PTPRD: variants seen among roughly 807,000 people sequenced by gnomAD.
PTPRD encodes receptor-type tyrosine-protein phosphatase delta.
A neutral mutation model predicts 214.5 loss-of-function variants in PTPRD; 34 were observed. The observed-to-expected ratio is 0.16, with a 90% CI of 0.12 to 0.21. The LOEUF is 0.21. Among genes scored for constraint, PTPRD ranks in the 10% least tolerant of loss-of-function variants. The pLI is 1.00. For missense variants in PTPRD, 2,545 were observed against 2,398.7 expected (o/e 1.06, Z -1.27); for synonymous variants, 1,128 against 845.7 (o/e 1.33, Z -5.79).
intron 11 of PTPRD, among the ~76,000 whole-genome samples, chr9:8,872,013 A>G (rs927035372): frequency 6.6e-5 from 10 of 152,142 alleles, no homozygotes; most frequent in Non-Finnish European, 1.5e-4. Flanking sequence ...ATCAATCAAC[A>G]TTGAGGGCCA....
At chr9:9,537,847 C>A (rs2076825873) in intron 8 of PTPRD, among the ~76,000 whole-genome samples, 1 of 151,748 alleles carries the variant, frequency 6.6e-6, no homozygotes, top group East Asian at 1.9e-4. Context: ...AATCTCAGGG[C>A]CAAATTCATT....
Position 10,486,756 on chromosome 9 carries a change from G to A in PTPRD, c.-600+125642C>T, listed in dbSNP as rs111317650. ...TATACTTGAGAATGATTCATGTGCT[G>A]AGGGGAGGAATGTGTATTCTGAAGC... On this transcript the variant is annotated intron_variant, in intron 2 of 45. Coordinates refer to ENST00000381196, the MANE Select transcript of PTPRD (RefSeq NM_002839.4). Among the ~76,000 whole-genome samples the A allele has an allele frequency of 4.8e-3, 728 of 152,288 alleles. 11 individuals are homozygous for A. Among genetic ancestry groups the A allele is most frequent in the African/African-American group, 0.017 (702 of 41,568 alleles).
intron 39 of PTPRD, among the ~76,000 whole-genome samples, chr9:8,346,281 G>A (rs764516347): frequency 1.3e-5 from 2 of 152,014 alleles, no homozygotes; most frequent in African/African-American, 2.4e-5. Context: ...CATTTTCAGG[G>A]ATTATTTGCT....
intron 4 of PTPRD, among the ~76,000 whole-genome samples, chr9:9,942,840 A>G (rs569398126): frequency 4.1e-4 from 62 of 150,420 alleles, no homozygotes; most frequent in Admixed American, 7.3e-4. Context: ...CATCCTATAC[A>G]TTTTCAAAAT....
chr9:9,920,095 G>A (rs1334652063), intron 5 of PTPRD, among the ~76,000 whole-genome samples: 2 of 152,018 alleles, frequency 1.3e-5, no homozygotes, highest in Non-Finnish European at 2.9e-5. Flanking sequence ...CATGTTTTAA[G>A]TTTTACATTT....
intron 3 of PTPRD, among the ~76,000 whole-genome samples, chr9:10,197,255 T>C (rs890966647): frequency 6.6e-6 from 1 of 152,128 alleles, no homozygotes; most frequent in Admixed American, 6.6e-5. Context: ...TTACTTTTAC[T>C]TTGGATAAGA....
chr9:9,360,119 A>G (rs1203533441), intron 9 of PTPRD, among the ~76,000 whole-genome samples: 6 of 151,234 alleles, frequency 4.0e-5, no homozygotes. Context: ...TGGTAAGTAC[A>G]ATGTGTTTAG....
intron 10 of PTPRD, among the ~76,000 whole-genome samples, chr9:9,047,863 A>G (rs1261791784): frequency 1.3e-5 from 2 of 152,160 alleles, no homozygotes; most frequent in Non-Finnish European, 2.9e-5. Context: ...AAGCAAACAA[A>G]GCAGAAATGG....
intron 9 of PTPRD, among the ~76,000 whole-genome samples, chr9:9,395,678 G>C (rs910103908): frequency 6.6e-6 from 1 of 151,946 alleles, no homozygotes; most frequent in Non-Finnish European, 1.5e-5. Flanking sequence ...TGCCAACTTT[G>C]GCATCTACCC....
intron 10 of PTPRD, among the ~76,000 whole-genome samples, chr9:9,077,378 A>AAAATGTTTCATAGATC (rs2308277): frequency 0.71 from 107,361 of 151,612 alleles, 38,382 homozygotes; most frequent in Non-Finnish European, 0.76. Flanking sequence ...CAGGTGACTG[A>AAAATGTTTCATAGATC]AAATGTTATT....
intron 3 of PTPRD, among the ~76,000 whole-genome samples, chr9:10,324,460 T>G (rs2096608305): frequency 6.6e-6 from 1 of 152,066 alleles, no homozygotes; most frequent in South Asian, 2.1e-4. Flanking sequence ...AGACAAGTTA[T>G]ATGGCCAACA....
At chr9:8,794,939 A>C (rs2096364974) in intron 11 of PTPRD, among the ~76,000 whole-genome samples, 1 of 151,986 alleles carries the variant, frequency 6.6e-6, no homozygotes, top group Non-Finnish European at 1.5e-5. Flanking sequence ...ACATAAGTCA[A>C]TTTTTTTGTA....
chr9:10,558,489 C>T (rs1473400642), intron 2 of PTPRD, among the ~76,000 whole-genome samples: 1 of 152,068 alleles, frequency 6.6e-6, no homozygotes, highest in African/African-American at 2.4e-5. Context: ...CCTTCTCTGA[C>T]CCCTCTCCAA....
chr9:9,225,985 T>C (rs1019820227), intron 9 of PTPRD, among the ~76,000 whole-genome samples: 1 of 152,076 alleles, frequency 6.6e-6, no homozygotes, highest in African/African-American at 2.4e-5. Context: ...AGCCTGTTAC[T>C]GAGGAAAATT....
chr9:10,570,600 T>A (rs751351672), intron 2 of PTPRD, among the ~76,000 whole-genome samples: 2 of 151,996 alleles, frequency 1.3e-5, no homozygotes, highest in Non-Finnish European at 2.9e-5. Flanking sequence ...TCACACACAG[T>A]GGGATGGGAA....
intron 8 of PTPRD, among the ~76,000 whole-genome samples, chr9:9,542,335 C>T (rs1022533202): frequency 3.3e-5 from 5 of 151,554 alleles, no homozygotes; most frequent in African/African-American, 1.2e-4. Flanking sequence ...GATCATGGAC[C>T]TGTACGAAAA....
intron 2 of PTPRD, among the ~76,000 whole-genome samples, chr9:10,466,079 G>A (rs546205014): frequency 1.1e-4 from 17 of 152,302 alleles, no homozygotes; most frequent in African/African-American, 4.1e-4. Flanking sequence ...GGATACTACT[G>A]TGATGCCTCT....
chr9:8,842,824 G>A (rs1428450690), intron 11 of PTPRD, among the ~76,000 whole-genome samples: 2 of 152,116 alleles, frequency 1.3e-5, no homozygotes, highest in African/African-American at 2.4e-5. Flanking sequence ...GATGCCAAGG[G>A]GAGACTTTGA....
chr9:10,432,205 A>G (rs2154520962), intron 2 of PTPRD, among the ~76,000 whole-genome samples: 1 of 147,614 alleles, frequency 6.8e-6, no homozygotes, highest in East Asian at 2.1e-4. Context: ...CAAACACCGC[A>G]TATTCTCACT....
Sources: gnomAD v4.1 joint callset for allele counts (sites outside exome capture counted in the v4.1 genomes callset) on GRCh38, gnomAD v4.1.1 for gene constraint, MANE v1.5 for transcripts, NCBI Gene and HGNC (gene_info 2026-07-23, HGNC 2026-07-21) for gene names.